The following CAMTA1 variants were observed in gnomAD, a reference collection of about 807,000 sequenced individuals.
The protein encoded by CAMTA1 is calmodulin-binding transcription activator 1.
In CAMTA1, 27 loss-of-function variants were observed where a neutral mutation model predicts 170.9. That is an observed-to-expected ratio of 0.16 (90% confidence interval 0.12 to 0.22). CAMTA1 has a LOEUF of 0.22. CAMTA1 is among the 10% of genes least tolerant of loss of function. The probability of loss-of-function intolerance (pLI) is 1.00; values close to 1 mark genes in which losing one functional copy is unlikely to be tolerated. For synonymous variants in CAMTA1, 833 were observed against 891.5 expected (o/e 0.93, Z 1.17); for missense variants, 1,619 against 2,217.2 (o/e 0.73, Z 5.42).
intron 3 of CAMTA1, among the ~76,000 whole-genome samples, chr1:6,967,147 A>G (rs938294868): frequency 2.6e-5 from 4 of 151,902 alleles, no homozygotes; most frequent in Non-Finnish European, 5.9e-5. Context: ...AAGCTGAGAC[A>G]GGAGAATTGC....
At chr1:7,553,577 G>T (rs1452011999) in intron 6 of CAMTA1, among the ~76,000 whole-genome samples, 1 of 152,224 alleles carries the variant, frequency 6.6e-6, no homozygotes, top group Non-Finnish European at 1.5e-5. Context: ...CCCCATCTGT[G>T]CACAGAACCT....
intron 5 of CAMTA1, among the ~76,000 whole-genome samples, chr1:7,355,997 G>T (rs1211489268): frequency 6.6e-6 from 1 of 152,266 alleles, no homozygotes; most frequent in African/African-American, 2.4e-5. Context: ...CACTGTGCAT[G>T]ACTTGGGAAC....
At chr1:7,198,331 C>T (rs1046413364) in intron 4 of CAMTA1, among the ~76,000 whole-genome samples, 2 of 151,950 alleles carry the variant, frequency 1.3e-5, no homozygotes, top group African/African-American at 2.4e-5. Flanking sequence ...CCCCCACTCC[C>T]CTACCCCCGA....
intron 3 of CAMTA1, among the ~76,000 whole-genome samples, chr1:6,856,962 C>T (rs1238404049): frequency 6.6e-6 from 1 of 151,996 alleles, no homozygotes. Context: ...GAGAAGAGGC[C>T]ACAGCAGGGG....
chr1:7,603,948 G>C (rs1421939595), intron 6 of CAMTA1, among the ~76,000 whole-genome samples: 1 of 152,128 alleles, frequency 6.6e-6, no homozygotes, highest in Non-Finnish European at 1.5e-5. Context: ...ATGAAGCTTA[G>C]TTTGGCTGGA....
At chr1:6,879,669 C>T (rs561228721) in intron 3 of CAMTA1, among the ~76,000 whole-genome samples, 9 of 151,344 alleles carry the variant, frequency 5.9e-5, no homozygotes, top group African/African-American at 1.7e-4. Flanking sequence ...ATGAAGAACC[C>T]GCCCACTGGA....
intron 3 of CAMTA1, among the ~76,000 whole-genome samples, chr1:6,855,503 A>G (rs1661977674): frequency 6.6e-6 from 1 of 151,692 alleles, no homozygotes; most frequent in Admixed American, 6.6e-5. Context: ...CACACTTTTA[A>G]ACAGTCGGAT....
In CAMTA1 at chr1:7,641,220, G is replaced by A. The variant is rs1252936178; in HGVS notation, c.664+667G>A. ...TGGCTTCTCCTGCCCCCTGTTCAGCGGGGCTCGGGAAAAACAAACATGGGT... is the reference window on the plus strand; with the variant it reads ...TGGCTTCTCCTGCCCCCTGTTCAGCAGGGCTCGGGAAAAACAAACATGGGT... On this transcript the variant is annotated intron_variant, in intron 7 of 22. Transcript: ENST00000303635. The surrounding 1 kb of genome is among the most constrained non-coding windows in gnomAD (Gnocchi z 4.5). 4.6e-5 allele frequency among the ~76,000 whole-genome samples: 7 copies of A among 152,182 alleles called. No homozygotes were observed. The highest frequency in any genetic ancestry group is 8.8e-5 in the Non-Finnish European group (6 of 68,018).
chr1:7,554,803 C>T (rs2094853928), intron 6 of CAMTA1, among the ~76,000 whole-genome samples: 3 of 151,582 alleles, frequency 2.0e-5, no homozygotes, highest in Admixed American at 2.0e-4. Flanking sequence ...TCTTGGCTTG[C>T]TTCATCCCCC....
At chr1:7,507,217 T>TAC (rs1227784569) in intron 6 of CAMTA1, among the ~76,000 whole-genome samples, 1 of 151,764 alleles carries the variant, frequency 6.6e-6, no homozygotes, top group African/African-American at 2.4e-5. Flanking sequence ...CACTCACCGA[T>TAC]ACACACTTGC....
At position 7,609,254 on chromosome 1, in the gene CAMTA1, A is replaced by C. The variant is rs2095507167; in HGVS notation, c.511-31146A>C. Among the ~76,000 whole-genome samples the C allele has an allele frequency of 6.6e-6, 1 of 151,908 alleles. No individual in the cohort carries two copies. The highest frequency in any genetic ancestry group is 2.4e-5 in the African/African-American group (1 of 41,354). The stretch of plus-strand genomic sequence containing the variant: ...GGTTGGATTTTTTTTTAATGTTTAA[A>C]AATTCCCCACAGCATGGCAGGTGCC... On this transcript the variant is annotated intron_variant, in intron 6 of 22. Transcript: ENST00000303635. The surrounding 1 kb of genome is among the most constrained non-coding windows in gnomAD (Gnocchi z 4.4).
At position 6,880,383 on chromosome 1, in the gene CAMTA1, GTTTTT is replaced by G. The variant is rs34745856; in HGVS notation, c.234+55193_234+55197del. Among the ~76,000 whole-genome samples, 358 of 67,226 alleles carry G rather than the reference GTTTTT, an allele frequency of 5.3e-3. 1 individual carries two copies. The highest frequency in any genetic ancestry group is 0.021 in the African/African-American group (339 of 16,372). 44.1% of individuals were successfully genotyped at this position (67,226 alleles called of 152,430 possible). ...GCCACCAGGCCCAGCCTCTAAAAGT[GTTTTT>G]TTTTTTTTTTTTTTTTTTTGAGACA... On this transcript the variant is annotated intron_variant, in intron 3 of 22. Transcript: ENST00000303635.
rs1419196152 is a variant in CAMTA1 at position 7,602,113 on chromosome 1, T to TTCCC, written c.511-38284_511-38283insCTCC. ...CTTCCTTCCTTCCTTCCTTCCTTCCTTCCTTCCTTCCTTCCTTCCTTCCTT... is the reference window on the plus strand; with the variant it reads ...CTTCCTTCCTTCCTTCCTTCCTTCCTTCCCTCCTTCCTTCCTTCCTTCCTTCCTT... On this transcript the variant is annotated intron_variant, in intron 6 of 22. Transcript: ENST00000303635. Among the ~76,000 whole-genome samples, 325 of 134,838 alleles carry TTCCC rather than the reference T, an allele frequency of 2.4e-3. 4 individuals carry two copies. The highest frequency in any genetic ancestry group is 0.01 in the African/African-American group (319 of 31,464). 88.5% of individuals were successfully genotyped at this position (134,838 alleles called of 152,430 possible). A position where few individuals can be genotyped will look rare whatever the true frequency, so the allele number is the denominator to read the frequency against.
At chr1:7,047,892 G>A (rs1233191410) in intron 3 of CAMTA1, among the ~76,000 whole-genome samples, 2 of 152,020 alleles carry the variant, frequency 1.3e-5, no homozygotes, top group African/African-American at 4.8e-5. Context: ...TGTGACTTGG[G>A]GTGGGTTCTG....
intron 3 of CAMTA1, among the ~76,000 whole-genome samples, chr1:6,830,951 TGG>T (rs1229313842): frequency 6.6e-6 from 1 of 152,092 alleles, no homozygotes; most frequent in Non-Finnish European, 1.5e-5. Flanking sequence ...CCTGAGTAGC[TGG>T]GACTACAGGC....
At chr1:7,194,154 T>C (rs1325738911) in intron 4 of CAMTA1, among the ~76,000 whole-genome samples, 1 of 152,244 alleles carries the variant, frequency 6.6e-6, no homozygotes, top group Non-Finnish European at 1.5e-5. Flanking sequence ...TTTAGAAGCA[T>C]GACAAACCAA....
intron 5 of CAMTA1, among the ~76,000 whole-genome samples, chr1:7,422,045 G>A (rs2091596523): frequency 6.6e-6 from 1 of 152,076 alleles, no homozygotes; most frequent in South Asian, 2.1e-4. Flanking sequence ...TTTACAATCA[G>A]CCCAGGGAGA....
At chr1:7,597,246 A>T (rs111341068) in intron 6 of CAMTA1, among the ~76,000 whole-genome samples, 7 of 152,190 alleles carry the variant, frequency 4.6e-5, no homozygotes, top group African/African-American at 1.4e-4. Context: ...TTGAGTTTTC[A>T]TTTCCCCTGC....
chr1:7,351,381 C>CA (rs1398499904), intron 5 of CAMTA1, among the ~76,000 whole-genome samples: 1 of 152,270 alleles, frequency 6.6e-6, no homozygotes, highest in Non-Finnish European at 1.5e-5. Flanking sequence ...AGCCGGCCCA[C>CA]ATGCAGATCG....
Sources: allele counts gnomAD v4.1 joint callset (sites outside exome capture counted in the v4.1 genomes callset), GRCh38; gene constraint gnomAD v4.1.1; non-coding constraint Gnocchi (gnomAD v3.1); transcripts MANE v1.5; gene names NCBI Gene and HGNC (gene_info 2026-07-23, HGNC 2026-07-21).